The following OGG1 variants were observed in gnomAD, a reference collection of about 807,000 sequenced individuals.
OGG1 encodes 8-oxoguanine DNA glycosylase.
Under a neutral mutation model 42.3 loss-of-function variants are expected in OGG1, and 35 were observed. The observed-to-expected ratio is 0.83, with a 90% CI of 0.63 to 1.10. The LOEUF (loss-of-function observed/expected upper bound fraction) is 1.10, where lower values mean the gene tolerates loss of function less well. Ranked by LOEUF, OGG1 falls within the 50% of genes least tolerant of loss-of-function variation. OGG1 has a pLI of 0.00. For missense variants in OGG1, 484 were observed against 446.7 expected (o/e 1.08, Z -0.75); for synonymous variants, 189 against 179.0 (o/e 1.06, Z -0.44).
At chr3:9,761,698 A>G, downstream of OGG1, 4 of 1,614,190 alleles carry the variant, frequency 2.5e-6, no homozygotes, top group South Asian at 4.4e-5. Context: ...TGGAGAGGCC[A>G]AAGTCGGAGA....
chr3:9,757,409 G>A (rs2077629235), downstream of OGG1: 9 of 1,609,932 alleles, frequency 5.6e-6, no homozygotes, highest in Non-Finnish European at 7.6e-6. The surrounding 1 kb of genome is among the most constrained non-coding windows in gnomAD (Gnocchi z 4.5). Flanking sequence ...TATGGAAAAT[G>A]CAGTGAGGAG....
Position 9,756,797 on chromosome 3 carries a change from A to T in OGG1, c.929A>T (p.Tyr310Phe). 1 of 1,614,042 alleles carries T rather than the reference A, an allele frequency of 6.2e-7. No homozygotes were observed. The highest frequency in any genetic ancestry group is 8.5e-7 in the Non-Finnish European group (1 of 1,180,000). ...GNFFRSLWGP[Y>F]AGWAQAVLFS... ...TTTTTCCGGAGCCTGTGGGGACCTTATGCTGGCTGGGCCCAAGCGGTGAGT... is the reference window on the plus strand; with the variant it reads ...TTTTTCCGGAGCCTGTGGGGACCTTTTGCTGGCTGGGCCCAAGCGGTGAGT... Residue 310 changes from tyrosine (Y) to phenylalanine (F), a missense_variant, in exon 6 of 7, where the codon TAT becomes TTT. Tyr to Phe is a conservative substitution (Grantham distance 22). Coordinates refer to ENST00000344629, the MANE Select transcript of OGG1 (RefSeq NM_002542.6).
At position 9,750,158 on chromosome 3, in the gene OGG1, G is replaced by A; in HGVS notation, c.-129G>A. The A allele has an allele frequency of 8.3e-7, 1 of 1,201,596 alleles. No homozygotes were observed. Among genetic ancestry groups the A allele is most frequent in the African/African-American group, 1.5e-5 (1 of 65,948 alleles). The allele number at this position is 1,201,596 out of a possible 1,614,324, so 74.4% of individuals were successfully genotyped here. ...TGGAGGAATTAAGTGAAACAGGGAAGGTTGTTAAACAGCACCGTGTGGGCG... is the reference window on the plus strand; with the variant it reads ...TGGAGGAATTAAGTGAAACAGGGAAAGTTGTTAAACAGCACCGTGTGGGCG... On this transcript the variant is annotated 5_prime_UTR_variant, in exon 1 of 7. Coordinates refer to ENST00000344629, the MANE Select transcript of OGG1 (RefSeq NM_002542.6).
At chr3:9,781,520 G>T (rs1301693666) in exon 3 of OGG1, 2 of 456,504 alleles carry the variant, frequency 4.4e-6, no homozygotes, top group Non-Finnish European at 4.4e-6. Flanking sequence ...CAGGTGTTCC[G>T]GTGCCAGCAG....
At chr3:9,787,645 T>A in intron 3 of OGG1, 1 of 1,375,870 alleles carries the variant, frequency 7.3e-7, no homozygotes, top group Non-Finnish European at 9.6e-7. Flanking sequence ...TCGAGAGAAT[T>A]AGGAGCCTTC....
intron 3 of OGG1, chr3:9,784,095 G>A (rs1290134945): frequency 6.2e-6 from 10 of 1,614,216 alleles, no homozygotes; most frequent in South Asian, 1.1e-5. Context: ...TGCCGTTTGC[G>A]AAGCTCAGCA....
At chr3:9,779,602 A>G (rs1339238218) in intron 2 of OGG1, among the ~76,000 whole-genome samples, 1 of 152,056 alleles carries the variant, frequency 6.6e-6, no homozygotes, top group Non-Finnish European at 1.5e-5. Flanking sequence ...ACATGTATAC[A>G]TATGTAACAA....
intron 7 of OGG1, among the ~76,000 whole-genome samples, chr3:9,764,628 G>GTT (rs55972033): frequency 1.1e-4 from 10 of 92,320 alleles, no homozygotes; most frequent in African/African-American, 3.4e-4. Context: ...TTTTTTTTTT[G>GTT]TTTTTTTTTT....
downstream of OGG1, among the ~76,000 whole-genome samples, chr3:9,768,564 G>A (rs770803409): frequency 6.6e-6 from 1 of 152,226 alleles, no homozygotes; most frequent in African/African-American, 2.4e-5. Flanking sequence ...TGGCTCCAGA[G>A]GCCCTAATGA....
At chr3:9,773,898 C>T (rs1402769752) in intron 2 of OGG1, among the ~76,000 whole-genome samples, 2 of 151,782 alleles carry the variant, frequency 1.3e-5, no homozygotes, top group Non-Finnish European at 2.9e-5. Flanking sequence ...TATCGGGTCT[C>T]TACTCCCTCT....
At chr3:9,786,058 C>T (rs1454372320) in intron 3 of OGG1, among the ~76,000 whole-genome samples, 1 of 152,138 alleles carries the variant, frequency 6.6e-6, no homozygotes, top group East Asian at 1.9e-4. Context: ...CCTGCCTCAG[C>T]CTCCCAAGTA....
intron 3 of OGG1, among the ~76,000 whole-genome samples, chr3:9,753,429 G>A (rs2077397780): frequency 6.6e-6 from 1 of 151,906 alleles, no homozygotes; most frequent in Admixed American, 6.6e-5. Context: ...GAGGCGGGTG[G>A]ATCACGAGGT....
chr3:9,750,063 C>G lies in OGG1; in HGVS notation c.-224C>G. 1 of 613,562 alleles carries G rather than the reference C, an allele frequency of 1.6e-6. No individual in the cohort carries two copies. The highest frequency in any genetic ancestry group is 2.1e-5 in the South Asian group (1 of 48,030). The allele number at this position is 613,562 out of a possible 1,614,324, so 38.0% of individuals were successfully genotyped here. The stretch of plus-strand genomic sequence containing the variant: ...CAAGGAGGGGGCGGGACCTACACCT[C>G]AGGAAAGCCGGAGAATTGGGGCACG... On this transcript the variant is annotated 5_prime_UTR_variant, in exon 1 of 7. Coordinates refer to ENST00000344629, the MANE Select transcript of OGG1 (RefSeq NM_002542.6).
downstream of OGG1, among the ~76,000 whole-genome samples, chr3:9,770,293 C>A (rs1041355848): frequency 6.6e-6 from 1 of 152,182 alleles, no homozygotes; most frequent in Non-Finnish European, 1.5e-5. Flanking sequence ...GATTTTCTTT[C>A]AGACCAGTTC....
chr3:9,754,530 C>T (rs145611596), intron 3 of OGG1, among the ~76,000 whole-genome samples, 174 bp from the exon 4 acceptor site: 36 of 152,288 alleles, frequency 2.4e-4, no homozygotes, highest in African/African-American at 8.4e-4. Flanking sequence ...GGACAGGACC[C>T]AGGCCTAACC....
chr3:9,769,949 G>GGGCTC (rs1260826562), downstream of OGG1: 3 of 152,272 alleles, frequency 2.0e-5, no homozygotes, highest in South Asian at 2.1e-4. Flanking sequence ...GCTGGAGCTG[G>GGGCTC]GGCTCGGCTC....
intron 1 of OGG1, 34 bp downstream of exon 1, chr3:9,750,457 G>A (rs745922287): frequency 1.2e-6 from 2 of 1,612,338 alleles, no homozygotes; most frequent in Middle Eastern, 1.6e-4. Context: ...CTGTCCCCTC[G>A]GACTGGCTCC....
chr3:9,762,441 A>G lies in OGG1; in HGVS notation c.1048+3155A>G, dbSNP rs143229548. 585 of 157,406 alleles carry G rather than the reference A, an allele frequency of 3.7e-3. 3 individuals carry two copies. Among genetic ancestry groups the G allele is most frequent in the African/African-American group, 0.014 (565 of 41,566 alleles). 9.8% of individuals were successfully genotyped at this position (157,406 alleles called of 1,614,324 possible). A position where few individuals can be genotyped will look rare whatever the true frequency, so the allele number is the denominator to read the frequency against. On this transcript the variant is annotated intron_variant, in intron 7 of 7. Coordinates refer to the OGG1 transcript ENST00000302008. ...GCCCAGGCTGGCGTGCAATGGCACAATCTCAGCTTGCTGCAACCTCTGCCT... is the reference window on the plus strand; with the variant it reads ...GCCCAGGCTGGCGTGCAATGGCACAGTCTCAGCTTGCTGCAACCTCTGCCT...
At chr3:9,773,741 G>A (rs950352852) in intron 2 of OGG1, among the ~76,000 whole-genome samples, 1 of 151,638 alleles carries the variant, frequency 6.6e-6, no homozygotes, top group African/African-American at 2.4e-5. Flanking sequence ...CACCCAGGCT[G>A]TGGTGCAGCG....
Sources: gnomAD v4.1 joint callset for allele counts (sites outside exome capture counted in the v4.1 genomes callset) on GRCh38, gnomAD v4.1.1 for gene constraint, Gnocchi (gnomAD v3.1) non-coding constraint, MANE v1.5 for transcripts, NCBI Gene and HGNC (gene_info 2026-07-23, HGNC 2026-07-21) for gene names.